The following ROBO2 variants were observed in gnomAD, a reference collection of about 807,000 sequenced individuals.
ROBO2 encodes the protein roundabout guidance receptor 2, also known as roundabout homolog 2.
Under a neutral mutation model 160.8 loss-of-function variants are expected in ROBO2, and 53 were observed. That is an observed-to-expected ratio of 0.33 (90% CI 0.26 to 0.41). The LOEUF is 0.41. ROBO2 is among the 10% of genes least tolerant of loss of function. ROBO2 has a pLI of 1.00. For missense variants in ROBO2, 1,577 were observed against 1,722.4 expected (o/e 0.92, Z 1.49); for synonymous variants, 664 against 611.7 (o/e 1.09, Z -1.26).
intron 2 of ROBO2, among the ~76,000 whole-genome samples, chr3:76,815,657 G>A (rs1560613422): frequency 6.6e-6 from 1 of 151,288 alleles, no homozygotes; most frequent in African/African-American, 2.4e-5. Flanking sequence ...TATCTTCTGG[G>A]TAAATTGCAT....
chr3:77,319,576 G>A (rs1489003775), intron 2 of ROBO2, among the ~76,000 whole-genome samples: 3 of 152,174 alleles, frequency 2.0e-5, no homozygotes, highest in African/African-American at 7.2e-5. Flanking sequence ...AGTGTGCTAT[G>A]AGTAAGACAG....
intron 2 of ROBO2, among the ~76,000 whole-genome samples, chr3:76,515,908 C>A (rs996550150): frequency 6.6e-6 from 1 of 152,152 alleles, no homozygotes; most frequent in African/African-American, 2.4e-5. Flanking sequence ...TTTCTCCCAG[C>A]TTCACTTACA....
At chr3:75,935,948 T>C (rs972059565) in intron 1 of ROBO2, among the ~76,000 whole-genome samples, 7 of 152,254 alleles carry the variant, frequency 4.6e-5, no homozygotes, top group African/African-American at 1.7e-4. Flanking sequence ...AGCTGTGAAG[T>C]GGTAAATGTT....
At chr3:75,914,298 A>C (rs902299032) in intron 1 of ROBO2, among the ~76,000 whole-genome samples, 2 of 152,166 alleles carry the variant, frequency 1.3e-5, no homozygotes, top group African/African-American at 2.4e-5. Context: ...TAATCAGTGC[A>C]AATTGCTGAA....
intron 2 of ROBO2, among the ~76,000 whole-genome samples, chr3:76,647,563 C>T (rs1007354628): frequency 6.6e-6 from 1 of 152,152 alleles, no homozygotes; most frequent in Non-Finnish European, 1.5e-5. Context: ...AATACCTTCT[C>T]AATTAAACAC....
In ROBO2 at chr3:77,474,857, G is replaced by A. The variant is rs149633211; in HGVS notation, c.389-2557G>A. Among the ~76,000 whole-genome samples, 1,008 of 152,168 alleles carry A rather than the reference G, an allele frequency of 6.6e-3. 4 individuals are homozygous for A. Among genetic ancestry groups the A allele is most frequent in the Non-Finnish European group, 0.011 (728 of 68,004 alleles). On this transcript the variant is annotated intron_variant, in intron 2 of 25. Transcript: ENST00000461745. ...AATCCAAGGCAGAAATGAATAATTA[G>A]CACAAAAATGGGAACTGATAGATAT...
chr3:76,511,274 T>G (rs1342732977), intron 2 of ROBO2, among the ~76,000 whole-genome samples: 1 of 152,206 alleles, frequency 6.6e-6, no homozygotes, highest in Non-Finnish European at 1.5e-5. Flanking sequence ...TATTTTCAAA[T>G]AGTGAATTTC....
intron 10 of ROBO2, 31 bp from the exon 12 acceptor site, chr3:77,563,136 G>A: frequency 6.2e-7 from 1 of 1,610,420 alleles, no homozygotes; most frequent in South Asian, 1.1e-5. Flanking sequence ...ATGCAATCAG[G>A]AATGAAGTTT....
At chr3:75,973,534 C>T (rs1294362031) in intron 2 of ROBO2, among the ~76,000 whole-genome samples, 1 of 151,144 alleles carries the variant, frequency 6.6e-6, no homozygotes, top group African/African-American at 2.4e-5. Context: ...AGACCTTGCA[C>T]CAAAAATAAA....
chr3:76,409,694 G>A (rs1187596033), intron 2 of ROBO2, among the ~76,000 whole-genome samples: 2 of 152,082 alleles, frequency 1.3e-5, no homozygotes, highest in South Asian at 2.1e-4. Context: ...TTATGACCTT[G>A]AGCATGTCAC....
chr3:76,264,333 T>TG (rs1446218406), intron 2 of ROBO2, among the ~76,000 whole-genome samples: 2 of 150,486 alleles, frequency 1.3e-5, no homozygotes, highest in Non-Finnish European at 3.0e-5. Context: ...TGTCTCTAGT[T>TG]TTTTTTTTTT....
chr3:76,968,639 A>G (rs2059423934), intron 2 of ROBO2, among the ~76,000 whole-genome samples: 1 of 152,154 alleles, frequency 6.6e-6, no homozygotes, highest in African/African-American at 2.4e-5. Context: ...TTGTTCTACT[A>G]GCTTCGTGAA....
intron 2 of ROBO2, among the ~76,000 whole-genome samples, chr3:77,116,696 T>C (rs145732548): frequency 0.017 from 2,535 of 152,330 alleles, 40 homozygotes; most frequent in Non-Finnish European, 0.025. Context: ...GGGGTAGAGA[T>C]GATGGATGCA....
At chr3:77,103,538 A>G (rs2150120470) in intron 2 of ROBO2, among the ~76,000 whole-genome samples, 1 of 152,326 alleles carries the variant, frequency 6.6e-6, no homozygotes, top group Admixed American at 6.5e-5. Flanking sequence ...TGCAGTTACA[A>G]GAGAGAACAG....
intron 1 of ROBO2, among the ~76,000 whole-genome samples, chr3:75,910,397 G>T (rs1946523273): frequency 6.6e-6 from 1 of 152,174 alleles, no homozygotes; most frequent in Non-Finnish European, 1.5e-5. Flanking sequence ...ATTTGTACAA[G>T]ATATGAATTA....
chr3:76,366,699 C>A (rs908130847), intron 2 of ROBO2, among the ~76,000 whole-genome samples: 4 of 151,818 alleles, frequency 2.6e-5, no homozygotes, highest in African/African-American at 9.7e-5. Context: ...TGAAAAGTTT[C>A]TGTTTTCTCA....
chr3:76,373,113 T>A (rs575290824), intron 2 of ROBO2, among the ~76,000 whole-genome samples: 21 of 152,166 alleles, frequency 1.4e-4, no homozygotes, highest in African/African-American at 5.1e-4. Flanking sequence ...GGAAACAGTT[T>A]CATTCCATGG....
chr3:77,339,560 T>C (rs1022881235), intron 2 of ROBO2, among the ~76,000 whole-genome samples: 4 of 152,122 alleles, frequency 2.6e-5, no homozygotes, highest in Non-Finnish European at 1.5e-5. Flanking sequence ...TTGGTCAGTA[T>C]AGCCTTAAAT....
chr3:76,736,065 C>T (rs1048243509), intron 2 of ROBO2, among the ~76,000 whole-genome samples: 16 of 151,604 alleles, frequency 1.1e-4, no homozygotes, highest in East Asian at 5.8e-4. Flanking sequence ...GGGCGGATCA[C>T]GAGGTCAGGA....
Sources: allele counts gnomAD v4.1 joint callset (sites outside exome capture counted in the v4.1 genomes callset), GRCh38; gene constraint gnomAD v4.1.1; transcripts MANE v1.5; gene names NCBI Gene and HGNC (gene_info 2026-07-23, HGNC 2026-07-21).